The following PDE10A variants were observed in gnomAD, a reference collection of about 807,000 sequenced individuals.
The protein encoded by PDE10A is cAMP and cAMP-inhibited cGMP 3',5'-cyclic phosphodiesterase 10A.
A neutral mutation model predicts 97.7 loss-of-function variants in PDE10A; 39 were observed. The ratio of observed to expected loss-of-function variants is 0.40; its 90% confidence interval spans 0.31 to 0.52. The LOEUF (loss-of-function observed/expected upper bound fraction) is 0.52. Ranked by LOEUF, PDE10A falls within the 20% of genes least tolerant of loss-of-function variation. The pLI, the probability that PDE10A is intolerant of heterozygous loss-of-function variation, is 0.56. For missense variants in PDE10A, 731 were observed against 1,047.8 expected (o/e 0.70, Z 4.17); for synonymous variants, 371 against 376.8 (o/e 0.98, Z 0.18).
chr6:165,823,524 A>ATATATATATATGTG, intron 1 of PDE10A, among the ~76,000 whole-genome samples: 1 of 79,494 alleles, frequency 1.3e-5, no homozygotes, highest in East Asian at 2.9e-4. Flanking sequence ...ATATATATAT[A>ATATATATATATGTG]TGAACCTTAA....
chr6:165,740,316 AAGAGAGAGAGAGAG>A (rs60010542), intron 1 of PDE10A, among the ~76,000 whole-genome samples: 4 of 146,660 alleles, frequency 2.7e-5, no homozygotes, highest in South Asian at 2.2e-4. Context: ...TATGGAGAGA[AAGAGAGAGAGAGAG>A]AGAGAGAGAG....
chr6:165,368,667 T>C (rs1483554039), intron 18 of PDE10A, among the ~76,000 whole-genome samples: 2 of 152,106 alleles, frequency 1.3e-5, no homozygotes, highest in East Asian at 1.9e-4. Flanking sequence ...AAACAGTACA[T>C]TAAAAAGCAG....
intron 1 of PDE10A, among the ~76,000 whole-genome samples, chr6:165,909,284 G>T (rs1441569128): frequency 2.0e-5 from 3 of 152,306 alleles, no homozygotes; most frequent in African/African-American, 7.2e-5. Flanking sequence ...GAAAAGAGAG[G>T]CCATGAAGTT....
intron 1 of PDE10A, among the ~76,000 whole-genome samples, chr6:165,575,155 C>G (rs1218301621): frequency 6.6e-6 from 1 of 152,136 alleles, no homozygotes; most frequent in African/African-American, 2.4e-5. Context: ...GCAATAACAC[C>G]TCAGCAAGCA....
intron 1 of PDE10A, among the ~76,000 whole-genome samples, chr6:165,604,628 G>A (rs1787123449): frequency 6.6e-6 from 1 of 152,024 alleles, no homozygotes; most frequent in South Asian, 2.1e-4. Flanking sequence ...GAAATAACCG[G>A]AAACATCCTA....
chr6:165,855,307 G>C (rs74878952), intron 1 of PDE10A, among the ~76,000 whole-genome samples: 1 of 5,326 alleles, frequency 1.9e-4, no homozygotes, highest in Non-Finnish European at 6.4e-4. Flanking sequence ...GGAAGTGGCG[G>C]GGGGGGGGGG....
chr6:165,482,825 T>C (rs1434335113), intron 2 of PDE10A, among the ~76,000 whole-genome samples: 3 of 152,144 alleles, frequency 2.0e-5, no homozygotes, highest in Non-Finnish European at 2.9e-5. Flanking sequence ...GCATGAAACA[T>C]AGTCATTAAT....
At chr6:165,629,934 G>A (rs775151230) in intron 1 of PDE10A, among the ~76,000 whole-genome samples, 34 of 151,872 alleles carry the variant, frequency 2.2e-4, no homozygotes, top group African/African-American at 6.8e-4. Flanking sequence ...AGTAGCAATC[G>A]CTCTCAATTA....
intron 13 of PDE10A, among the ~76,000 whole-genome samples, chr6:165,402,310 G>A (rs750174619): frequency 9.4e-4 from 142 of 151,736 alleles, no homozygotes; most frequent in Admixed American, 1.1e-3. Context: ...TTTGTAATCA[G>A]TGTAGGTAAA....
intron 3 of PDE10A, among the ~76,000 whole-genome samples, chr6:165,463,885 G>A (rs1325265243): frequency 6.6e-6 from 1 of 152,232 alleles, no homozygotes; most frequent in Non-Finnish European, 1.5e-5. Context: ...AGTGATCTGT[G>A]CCTTAAGGAC....
chr6:165,682,643 G>A (rs1791008224), intron 1 of PDE10A, among the ~76,000 whole-genome samples: 1 of 151,938 alleles, frequency 6.6e-6, no homozygotes, highest in Admixed American at 6.6e-5. Flanking sequence ...CCTTCACCAG[G>A]CACCAAATCT....
chr6:165,495,009 T>C (rs1374136714), intron 2 of PDE10A, among the ~76,000 whole-genome samples: 4 of 152,202 alleles, frequency 2.6e-5, no homozygotes, highest in Non-Finnish European at 4.4e-5. Flanking sequence ...ATCTTTTTAA[T>C]ATATATCCGT....
intron 1 of PDE10A, among the ~76,000 whole-genome samples, chr6:165,653,139 T>C (rs1217808648): frequency 1.3e-5 from 2 of 152,250 alleles, no homozygotes; most frequent in African/African-American, 4.8e-5. Flanking sequence ...CATTATTTCT[T>C]TCCCTTTAGG....
chr6:165,450,181 C>T, intron 4 of PDE10A, 61 bp downstream of exon 4: 1 of 1,243,270 alleles, frequency 8.0e-7, no homozygotes, highest in Non-Finnish European at 1.1e-6. Context: ...GTAGTTTTTG[C>T]TGCTTTTTGT....
chr6:165,823,868 A>G (rs1426826863), intron 1 of PDE10A, among the ~76,000 whole-genome samples: 2 of 152,188 alleles, frequency 1.3e-5, no homozygotes, highest in Non-Finnish European at 2.9e-5. Flanking sequence ...GTCATTGAAC[A>G]AAATGTCATT....
chr6:165,926,907 G>C (rs1782950610), intron 1 of PDE10A, among the ~76,000 whole-genome samples: 1 of 152,176 alleles, frequency 6.6e-6, no homozygotes, highest in African/African-American at 2.4e-5. Context: ...AAAAGACTTG[G>C]GCTGTGTGGG....
chr6:165,611,240 T>TTG (rs1373813437), intron 1 of PDE10A, among the ~76,000 whole-genome samples: 4 of 152,208 alleles, frequency 2.6e-5, no homozygotes, highest in African/African-American at 7.2e-5. Context: ...TACATAATTG[T>TTG]TGTACTAAGC....
In PDE10A at chr6:165,843,083, TG is replaced by T. The variant is rs1157952397; in HGVS notation, c.-615+144445del. Reference sequence around the variant, plus strand: ...GAGGCCCCGCTGTGCTCAGCCCACCTGACAGCGTAGGGTCAGCCAGCGCCCA... The same window carrying T: ...GAGGCCCCGCTGTGCTCAGCCCACCTACAGCGTAGGGTCAGCCAGCGCCCA... On this transcript the variant is annotated intron_variant, in intron 1 of 19. Coordinates refer to the PDE10A transcript ENST00000366882. 2.0e-5 allele frequency among the ~76,000 whole-genome samples: 3 copies of T among 152,340 alleles called. No homozygotes were observed. In the East Asian group the frequency reaches 5.8e-4, roughly 29 times the overall value.
intron 1 of PDE10A, among the ~76,000 whole-genome samples, chr6:165,639,138 G>C (rs1789012741): frequency 6.6e-6 from 1 of 152,084 alleles, no homozygotes; most frequent in South Asian, 2.1e-4. Context: ...CTAGCTGGCT[G>C]TGTGATAGTA....
Sources: allele counts gnomAD v4.1 joint callset (sites outside exome capture counted in the v4.1 genomes callset), GRCh38; gene constraint gnomAD v4.1.1; transcripts MANE v1.5; gene names NCBI Gene and HGNC (gene_info 2026-07-23, HGNC 2026-07-21).